The following ZNF92 variants were observed in gnomAD, a reference collection of about 807,000 sequenced individuals.
The protein encoded by ZNF92 is epididymis luminal protein 203.
In ZNF92, 11 loss-of-function variants were observed where a neutral mutation model predicts 12.4. The observed-to-expected ratio is 0.89, with a 90% CI of 0.56 to 1.47. The LOEUF (loss-of-function observed/expected upper bound fraction) is 1.47, where lower values mean the gene tolerates loss of function less well. ZNF92 is among the 40% of genes most tolerant of loss of function. The pLI is 0.00. For missense variants in ZNF92, 622 were observed against 681.0 expected (o/e 0.91, Z 0.96); for synonymous variants, 206 against 228.6 (o/e 0.90, Z 0.89).
At chr7:65,378,293 C>A (rs1236001508) in intron 1 of ZNF92, among the ~76,000 whole-genome samples, 11 of 147,062 alleles carry the variant, frequency 7.5e-5, no homozygotes, top group Admixed American at 6.8e-5. Context: ...GACTCTGTCT[C>A]AAAAAAAAAA....
chr7:65,386,972 T>A (rs1793584704), intron 1 of ZNF92, among the ~76,000 whole-genome samples: 1 of 142,992 alleles, frequency 7.0e-6, no homozygotes, highest in Non-Finnish European at 1.5e-5. Flanking sequence ...GGAGTTTCAC[T>A]CTCGTTCCCC....
intron 1 of ZNF92, among the ~76,000 whole-genome samples, chr7:65,379,744 A>C (rs1245291495): frequency 2.6e-5 from 4 of 152,116 alleles, no homozygotes; most frequent in Non-Finnish European, 5.9e-5. Flanking sequence ...AGGGTTCTGC[A>C]CCACCTGTTC....
At chr7:65,382,621 T>G (rs1204118896) in intron 1 of ZNF92, among the ~76,000 whole-genome samples, 1 of 152,140 alleles carries the variant, frequency 6.6e-6, no homozygotes, top group Non-Finnish European at 1.5e-5. Flanking sequence ...ATGACTCTTG[T>G]ATCTTTAGAC....
chr7:65,381,810 T>A (rs945102848), intron 1 of ZNF92, among the ~76,000 whole-genome samples: 4 of 152,130 alleles, frequency 2.6e-5, no homozygotes, highest in African/African-American at 9.7e-5. Flanking sequence ...TACATTTCTC[T>A]TGTCAGCTTT....
Position 65,373,941 on chromosome 7 carries a change from CCTGCAAGAACT to C in ZNF92, c.-56_-46del, listed in dbSNP as rs1352832019. On this transcript the variant is annotated 5_prime_UTR_variant, in exon 1 of 4. Coordinates refer to ENST00000328747, the MANE Select transcript of ZNF92 (RefSeq NM_152626.4). ...AAGGCTCGCCGCTGTGACCCTGTTA[CCTGCAAGAACT>C]TGGAGGTTCACAGCTAAGACGCCAG... 82 of 1,613,292 alleles carry C rather than the reference CCTGCAAGAACT, an allele frequency of 5.1e-5. No homozygotes were observed. In the African/African-American group the frequency reaches 1.0e-3, roughly 20 times the overall value.
At chr7:65,375,580 T>C (rs1000311359) in intron 1 of ZNF92, among the ~76,000 whole-genome samples, 2 of 151,902 alleles carry the variant, frequency 1.3e-5, no homozygotes, top group African/African-American at 4.8e-5. Context: ...GTCCCCAGGA[T>C]TCTCTAAGAT....
intron 1 of ZNF92, among the ~76,000 whole-genome samples, chr7:65,375,569 T>C (rs1209987395): frequency 6.6e-6 from 1 of 151,960 alleles, no homozygotes; most frequent in Admixed American, 6.6e-5. Context: ...AAATTATTTC[T>C]GTCCCCAGGA....
In ZNF92 at chr7:65,399,665, T is replaced by C; in HGVS notation, c.1551T>C (p.Ala517=). The C allele has an allele frequency of 1.9e-6, 3 of 1,613,082 alleles. No individual in the cohort carries two copies. The highest frequency in any genetic ancestry group is 2.5e-6 in the Non-Finnish European group (3 of 1,179,320). Residue 517 remains alanine, a synonymous_variant, in exon 4 of 4, where the codon GCT becomes GCC. Coordinates refer to ENST00000328747, the MANE Select transcript of ZNF92 (RefSeq NM_152626.4). The part of the protein sequence containing the change: ...KSYKCEKCGN[A]FNQSSNLTAR... ...ACAAATGTGAAAAATGTGGCAATGC[T>C]TTTAACCAGTCCTCAAACCTTACTG... is the stretch of plus-strand genomic sequence containing the variant.
chr7:65,377,206 A>G (rs1275490046), intron 1 of ZNF92, among the ~76,000 whole-genome samples: 2 of 152,140 alleles, frequency 1.3e-5, no homozygotes, highest in East Asian at 3.9e-4. Context: ...ACTTAGTTTC[A>G]AAAACCAAGA....
At chr7:65,380,896 C>T (rs1206401489) in intron 1 of ZNF92, among the ~76,000 whole-genome samples, 2 of 152,046 alleles carry the variant, frequency 1.3e-5, no homozygotes, top group Non-Finnish European at 1.5e-5. Flanking sequence ...GCCATTCTTA[C>T]TGGTGTGAGA....
At chr7:65,379,754 C>G (rs891597682) in intron 1 of ZNF92, among the ~76,000 whole-genome samples, 7 of 152,124 alleles carry the variant, frequency 4.6e-5, no homozygotes, top group African/African-American at 1.7e-4. Context: ...ACCACCTGTT[C>G]ATAATCTCAT....
intron 3 of ZNF92, among the ~76,000 whole-genome samples, chr7:65,393,958 G>A (rs1161671656): frequency 6.6e-6 from 1 of 152,042 alleles, no homozygotes; most frequent in East Asian, 1.9e-4. Context: ...AGTTTGAAGA[G>A]TTGTTTATAT....
At chr7:65,397,464 T>C (rs1562797469) in intron 3 of ZNF92, among the ~76,000 whole-genome samples, 1 of 151,988 alleles carries the variant, frequency 6.6e-6, no homozygotes, top group African/African-American at 2.4e-5. Context: ...TTGAATATTA[T>C]TCAGTTTATT....
intron 3 of ZNF92, among the ~76,000 whole-genome samples, chr7:65,397,282 A>T (rs1450820537): frequency 2.0e-5 from 3 of 151,940 alleles, no homozygotes; most frequent in Non-Finnish European, 2.9e-5. Context: ...TGTGTTTGTT[A>T]TAAGTATCTT....
rs777078883 is a variant in ZNF92 at position 65,399,337 on chromosome 7, A to G, written c.1223A>G (p.Gln408Arg). ...KCEECGKAFK[Q>R]SSTLTEHKII... ...GAAGAATGTGGCAAAGCTTTTAAACAGTCCTCAACCCTTACTGAACATAAG... is the reference window on the plus strand; with the variant it reads ...GAAGAATGTGGCAAAGCTTTTAAACGGTCCTCAACCCTTACTGAACATAAG... The change falls in exon 4 of 4, where the codon CAG becomes CGG. Residue 408 changes from glutamine (Q) to arginine (R), a missense_variant. Coordinates refer to ENST00000328747, the MANE Select transcript of ZNF92 (RefSeq NM_152626.4). 8 of 1,613,250 alleles carry G rather than the reference A, an allele frequency of 5.0e-6. No individual in the cohort carries two copies. Among genetic ancestry groups the G allele is most frequent in the Non-Finnish European group, 6.8e-6 (8 of 1,179,678 alleles).
chr7:65,396,985 T>C (rs1793861782), intron 3 of ZNF92, among the ~76,000 whole-genome samples: 1 of 152,134 alleles, frequency 6.6e-6, no homozygotes. Flanking sequence ...TCAGCCTTTT[T>C]TATCTTCAAG....
intron 3 of ZNF92, among the ~76,000 whole-genome samples, chr7:65,392,187 G>A (rs1277780304): frequency 6.6e-6 from 1 of 151,858 alleles, no homozygotes; most frequent in African/African-American, 2.4e-5. Context: ...TTTGGTTATG[G>A]CATATCTTGT....
At chr7:65,398,091 T>G (rs1351653396) in intron 3 of ZNF92, among the ~76,000 whole-genome samples, 1 of 152,022 alleles carries the variant, frequency 6.6e-6, no homozygotes, top group African/African-American at 2.4e-5. Context: ...TTTCTTTTCC[T>G]TCTATGTAGC....
rs1480997410 is a variant in ZNF92 at position 65,388,885 on chromosome 7, G to A, written c.210G>A (p.Met70Ile). ...CCTGGAATCTGAAGAGACATGAGAT[G>A]GTAGACAAAACCCCAGGTAGGTGAC... ...KEPWNLKRHE[M>I]VDKTPVMCSH... The change falls in exon 3 of 4, where the codon ATG (methionine) becomes ATA (isoleucine). Residue 70 changes from methionine to isoleucine, a missense_variant. Transcript: ENST00000328747. The A allele has an allele frequency of 4.4e-6, 7 of 1,580,784 alleles. No homozygotes were observed. The highest frequency in any genetic ancestry group is 1.1e-5 in the South Asian group (1 of 90,650).
Sources: allele counts gnomAD v4.1 joint callset (sites outside exome capture counted in the v4.1 genomes callset), GRCh38; gene constraint gnomAD v4.1.1; transcripts MANE v1.5; gene names NCBI Gene and HGNC (gene_info 2026-07-23, HGNC 2026-07-21).